The following PTK2 variants were observed in gnomAD, a reference collection of about 807,000 sequenced individuals.
PTK2 encodes focal adhesion kinase 1.
In PTK2, 45 loss-of-function variants were observed where a neutral mutation model predicts 150.1. That is an observed-to-expected ratio of 0.30 (90% CI 0.24 to 0.38). The LOEUF (loss-of-function observed/expected upper bound fraction) is 0.38, where lower values mean the gene tolerates loss of function less well. Ranked by LOEUF, PTK2 falls within the 10% of genes least tolerant of loss-of-function variation. The probability of loss-of-function intolerance (pLI) is 1.00; values close to 1 mark genes in which losing one functional copy is unlikely to be tolerated. For synonymous variants in PTK2, 432 were observed against 449.2 expected, an observed-to-expected ratio of 0.96 and a Z score of 0.48; for missense variants, 919 against 1,307.3, an observed-to-expected ratio of 0.70 and a Z score of 4.58.
rs377704069 is a variant in PTK2, at chr8:140,745,111, T to C, written c.1519-344A>G. Among the ~76,000 whole-genome samples the C allele has an allele frequency of 4.6e-5, 7 of 152,262 alleles. No homozygotes were observed. In the East Asian group the frequency reaches 9.6e-4, roughly 21 times the overall value. On this transcript the variant is annotated intron_variant, in intron 18 of 31. Transcript: ENST00000522684. ...AACAACTGGAAGAAAAAAGATCTAG[T>C]TACTATCCAAACAAGGCTAATACAC...
chr8:140,998,701 C>T (rs2100198749), intron 1 of PTK2, among the ~76,000 whole-genome samples: 8 of 151,858 alleles, frequency 5.3e-5, no homozygotes, highest in Admixed American at 5.2e-4. Flanking sequence ...CGCCTGTAGT[C>T]CCAGCTACTT....
intron 20 of PTK2, among the ~76,000 whole-genome samples, chr8:140,741,431 G>A (rs2100055589): frequency 6.6e-6 from 1 of 151,374 alleles, no homozygotes; most frequent in South Asian, 2.1e-4. Context: ...CTCCAGCCTG[G>A]GCGACAGAGT....
chr8:140,985,367 C>T (rs1270666934), intron 1 of PTK2, among the ~76,000 whole-genome samples: 1 of 152,092 alleles, frequency 6.6e-6, no homozygotes, highest in Non-Finnish European at 1.5e-5. Flanking sequence ...TCAAGTGATC[C>T]TCCCGCCCAG....
intron 7 of PTK2, chr8:140,833,175 TA>T (rs141534503): frequency 0.01 from 3,096 of 297,110 alleles, no homozygotes; most frequent in South Asian, 0.018. Flanking sequence ...ACAACTCCAT[TA>T]AAAAAAAAAG....
At chr8:140,735,168 G>A (rs902649497) in intron 22 of PTK2, 83 bp downstream of exon 25, 10 of 1,303,492 alleles carry the variant, frequency 7.7e-6, no homozygotes, top group African/African-American at 4.4e-5. Context: ...CTGATATAAT[G>A]ACCTTAAAAT....
At chr8:140,940,250 G>A (rs147707346) in intron 1 of PTK2, among the ~76,000 whole-genome samples, 1 of 152,276 alleles carries the variant, frequency 6.6e-6, no homozygotes, top group African/African-American at 2.4e-5. Flanking sequence ...TTGCATTTGG[G>A]AGGCCGAGGC....
chr8:140,907,323 C>T (rs1043571919), intron 2 of PTK2, among the ~76,000 whole-genome samples: 2 of 152,132 alleles, frequency 1.3e-5, no homozygotes, highest in Non-Finnish European at 2.9e-5. Context: ...GGAATATTTG[C>T]ATTATACTCA....
chr8:140,686,533 T>C, intron 27 of PTK2, 99 bp downstream of exon 30: 3 of 927,380 alleles, frequency 3.2e-6, no homozygotes, highest in Non-Finnish European at 5.2e-6. Context: ...CTGTTCCCTA[T>C]TACAAATATT....
rs1423006024 is a variant in PTK2, at chr8:140,706,291, A to C, written c.2143-86T>G. Reference sequence around the variant, plus strand: ...ATGAATCGAAAAAGACATTTTCCTAATAGAGCTTACTTGAAAAGAATGATA... The same window carrying C: ...ATGAATCGAAAAAGACATTTTCCTACTAGAGCTTACTTGAAAAGAATGATA... On this transcript the variant is annotated intron_variant, in intron 23 of 31. Coordinates refer to ENST00000522684, the Ensembl canonical transcript of PTK2. The C allele has an allele frequency of 9.3e-6, 9 of 970,128 alleles. No homozygotes were observed. The Admixed American group carries it at 1.7e-4, about 18-fold the overall frequency. 60.1% of individuals were successfully genotyped at this position (970,128 alleles called of 1,614,324 possible). A position where few individuals can be genotyped will look rare whatever the true frequency, so the allele number is the denominator to read the frequency against.
chr8:140,913,450 T>C (rs1258414739), intron 2 of PTK2, among the ~76,000 whole-genome samples: 1 of 151,806 alleles, frequency 6.6e-6, no homozygotes, highest in Non-Finnish European at 1.5e-5. Context: ...TACACGCCAC[T>C]ACACCCAGCT....
chr8:140,790,635 C>T (rs903139913), intron 13 of PTK2, among the ~76,000 whole-genome samples: 2 of 152,126 alleles, frequency 1.3e-5, no homozygotes, highest in Non-Finnish European at 2.9e-5. Context: ...TACATCGTTT[C>T]GAAGCACTAC....
intron 1 of PTK2, among the ~76,000 whole-genome samples, chr8:140,962,954 A>G (rs1442886094): frequency 6.6e-6 from 1 of 151,846 alleles, no homozygotes; most frequent in African/African-American, 2.4e-5. Context: ...CTTTGTGTTA[A>G]GTACATTCCC....
intron 4 of PTK2, among the ~76,000 whole-genome samples, chr8:140,877,236 G>A (rs1258552456): frequency 6.6e-6 from 1 of 151,856 alleles, no homozygotes; most frequent in African/African-American, 2.4e-5. Context: ...TTTCACTCAT[G>A]TTGGCCAGCC....
intron 7 of PTK2, among the ~76,000 whole-genome samples, chr8:140,836,135 A>G (rs2100118543): frequency 6.6e-6 from 1 of 152,086 alleles, no homozygotes; most frequent in Non-Finnish European, 1.5e-5. Flanking sequence ...AATGTTTAAT[A>G]TTAGAAGTGT....
chr8:140,816,376 A>T (rs988684396), intron 10 of PTK2, among the ~76,000 whole-genome samples: 1 of 152,218 alleles, frequency 6.6e-6, no homozygotes, highest in Admixed American at 6.5e-5. Context: ...AAATTTCACA[A>T]AAATTTATTC....
rs770012970 is a variant in PTK2, at chr8:140,761,454, TAGAAG to T, written c.1235-197_1235-193del. On this transcript the variant is annotated intron_variant, in intron 15 of 31. Transcript: ENST00000522684. ...GAATTCATGTAATTAGTTATGGTAT[TAGAAG>T]AACTACTGAAACAATGAGTTCTACT... 8.5e-4 allele frequency among the ~76,000 whole-genome samples: 130 copies of T among 152,192 alleles called. 3 individuals are homozygous for T. Among genetic ancestry groups the T allele is most frequent in the Non-Finnish European group, 3.4e-4 (23 of 68,002 alleles).
At chr8:140,990,292 T>C (rs2100195213) in intron 1 of PTK2, among the ~76,000 whole-genome samples, 1 of 151,772 alleles carries the variant, frequency 6.6e-6, no homozygotes, top group South Asian at 2.1e-4. Flanking sequence ...TGGAGTGTAG[T>C]GGTGTGATCA....
Position 140,670,068 on chromosome 8 carries a change from A to G in PTK2, c.2710-1644T>C, listed in dbSNP as rs369093383. Reference sequence around the variant, plus strand: ...ACAGAATGAGAGCTCTTCAAAAAGAAAGGAGGAGGAGGACATATGGTTTTA... The same window carrying G: ...ACAGAATGAGAGCTCTTCAAAAAGAGAGGAGGAGGAGGACATATGGTTTTA... On this transcript the variant is annotated intron_variant, in intron 29 of 31. Coordinates refer to ENST00000522684, the Ensembl canonical transcript of PTK2. The G allele has an allele frequency of 1.2e-4, 32 of 264,840 alleles. No homozygotes were observed. In the East Asian group the frequency reaches 1.8e-3, roughly 15 times the overall value. 16.4% of individuals were successfully genotyped at this position (264,840 alleles called of 1,614,324 possible).
chr8:140,820,075 G>GTTT (rs1477006274), intron 8 of PTK2, among the ~76,000 whole-genome samples: 2 of 49,144 alleles, frequency 4.1e-5, no homozygotes, highest in Admixed American at 2.7e-4. Context: ...ATCTGACTTT[G>GTTT]GTTTTTTTTT....
Sources: allele counts gnomAD v4.1 joint callset (sites outside exome capture counted in the v4.1 genomes callset), GRCh38; gene constraint gnomAD v4.1.1; transcripts MANE v1.5; gene names NCBI Gene and HGNC (gene_info 2026-07-23, HGNC 2026-07-21).